The following SLC14A2 variants were observed in gnomAD, a reference collection of about 807,000 sequenced individuals.
SLC14A2 encodes solute carrier family 14 member 2.
In SLC14A2, 91 loss-of-function variants were observed where a neutral mutation model predicts 104.6. The observed-to-expected ratio is 0.87, with a 90% confidence interval of 0.73 to 1.04. The LOEUF (loss-of-function observed/expected upper bound fraction) is 1.04. Among genes scored for constraint, SLC14A2 ranks in the 50% least tolerant of loss-of-function variants. The pLI is 0.00. For missense variants in SLC14A2, 1,189 were observed against 1,156.0 expected (o/e 1.03, Z -0.41); for synonymous variants, 476 against 466.4 (o/e 1.02, Z -0.27).
intron 13 of SLC14A2, 111 bp downstream of exon 13, chr18:45,667,205 T>C: frequency 2.6e-6 from 2 of 766,900 alleles, no homozygotes; most frequent in South Asian, 4.0e-5. Context: ...TAGACTAGAC[T>C]GCACTCTGTT....
rs1233268634 is a variant in SLC14A2 at position 45,426,145 on chromosome 18, T to C, written c.-124-57088T>C. ...ACGGCATCGATGGCCACCCCTCTTA[T>C]CTAGCAGTCAAGACCCAACTTGAGT... On this transcript the variant is annotated intron_variant, in intron 1 of 20. Coordinates refer to the SLC14A2 transcript ENST00000586448. Among the ~76,000 whole-genome samples, 3 of 152,160 alleles carry C rather than the reference T, an allele frequency of 2.0e-5. No homozygotes were observed. In the East Asian group the frequency reaches 5.8e-4, roughly 29 times the overall value.
rs971026212 is a variant in SLC14A2, at chr18:45,641,265, T to C, written c.1048T>C (p.Cys350Arg). ...CTACACAGGCCTCTGGAGCTACAAC[T>C]GCGTCCTCTCCTGCATCGCCATCGG... ...TIYTGLWSYNCVLSCIAIGGM... is the reference protein window; with the variant it reads ...TIYTGLWSYNRVLSCIAIGGM... The change falls in exon 8 of 20, where the codon TGC becomes CGC. Residue 350 changes from cysteine (C) to arginine (R), a missense_variant. Cys to Arg is a radical substitution (Grantham distance 180, BLOSUM62 -3). Coordinates refer to ENST00000255226, the MANE Select transcript of SLC14A2 (RefSeq NM_007163.4). 8.7e-6 allele frequency: 14 copies of C among 1,614,160 alleles called. No individual in the cohort carries two copies. Among genetic ancestry groups the C allele is most frequent in the Admixed American group, 1.7e-5 (1 of 60,016 alleles).
intron 1 of SLC14A2, among the ~76,000 whole-genome samples, chr18:45,219,668 T>C (rs2084043120): frequency 6.6e-6 from 1 of 152,364 alleles, no homozygotes; most frequent in African/African-American, 2.4e-5. Context: ...ACAAAGGACT[T>C]TTCATAACTT....
At chr18:45,294,862 T>C (rs1163473425) in intron 1 of SLC14A2, among the ~76,000 whole-genome samples, 1 of 152,250 alleles carries the variant, frequency 6.6e-6, no homozygotes, top group Non-Finnish European at 1.5e-5. Context: ...GCAGTATCTG[T>C]GAAATGCAGT....
intron 1 of SLC14A2, among the ~76,000 whole-genome samples, chr18:45,409,683 T>A (rs2086193865): frequency 6.6e-6 from 1 of 152,106 alleles, no homozygotes; most frequent in Admixed American, 6.6e-5. Context: ...GGTCCTTAGA[T>A]GAAAATGAAG....
chr18:45,207,314 A>T, the SLC14A2 span, among the ~76,000 whole-genome samples: 3 of 148,990 alleles, frequency 2.0e-5, no homozygotes, highest in Admixed American at 2.0e-4. Flanking sequence ...AGAAGGAAGG[A>T]AGGGAAAAAG....
chr18:45,505,575 T>A (rs1327162106), intron 2 of SLC14A2, among the ~76,000 whole-genome samples: 1 of 152,136 alleles, frequency 6.6e-6, no homozygotes, highest in Non-Finnish European at 1.5e-5. Context: ...AAACAGCCAA[T>A]GTGCTAATTG....
intron 2 of SLC14A2, among the ~76,000 whole-genome samples, chr18:45,572,437 T>C (rs1414361143): frequency 6.6e-6 from 1 of 152,192 alleles, no homozygotes; most frequent in African/African-American, 2.4e-5. Flanking sequence ...CCCAACATCT[T>C]TTCCAAGTTA....
intron 1 of SLC14A2, among the ~76,000 whole-genome samples, chr18:45,621,239 C>G (rs996438343): frequency 6.6e-6 from 1 of 152,150 alleles, no homozygotes; most frequent in African/African-American, 2.4e-5. Context: ...TCCAGCATGC[C>G]CCCTCTATGG....
intron 1 of SLC14A2, among the ~76,000 whole-genome samples, chr18:45,454,119 T>A (rs1422435373): frequency 2.0e-5 from 3 of 152,054 alleles, no homozygotes; most frequent in Non-Finnish European, 4.4e-5. Context: ...CGGCCTCCCA[T>A]AGTGCTGGGA....
At chr18:45,653,849 G>A (rs559688212) in intron 10 of SLC14A2, among the ~76,000 whole-genome samples, 6 of 152,360 alleles carry the variant, frequency 3.9e-5, no homozygotes, top group African/African-American at 1.4e-4. Context: ...CCCAGCCTGT[G>A]CCCTGCCCCT....
chr18:45,363,120 G>A (rs1013651654), intron 1 of SLC14A2, among the ~76,000 whole-genome samples: 1 of 152,104 alleles, frequency 6.6e-6, no homozygotes, highest in Non-Finnish European at 1.5e-5. Context: ...CCATTTCACA[G>A]CGATATTGTT....
intron 1 of SLC14A2, among the ~76,000 whole-genome samples, chr18:45,266,986 A>G (rs1568127663): frequency 6.6e-6 from 1 of 152,150 alleles, no homozygotes; most frequent in Non-Finnish European, 1.5e-5. Context: ...TCTGAAGGGA[A>G]ACCAGGCAAA....
intron 1 of SLC14A2, among the ~76,000 whole-genome samples, chr18:45,305,842 A>G (rs900662672): frequency 7.9e-5 from 12 of 152,324 alleles, no homozygotes; most frequent in South Asian, 4.1e-4. Flanking sequence ...ATTTTGGCTC[A>G]TTAATTTCAG....
chr18:45,505,988 T>C (rs968497801), intron 2 of SLC14A2, among the ~76,000 whole-genome samples: 1 of 152,116 alleles, frequency 6.6e-6, no homozygotes, highest in Non-Finnish European at 1.5e-5. Context: ...AGAAGCACCT[T>C]CTTGAAAAAG....
chr18:45,398,803 G>A (rs551737921), intron 1 of SLC14A2, among the ~76,000 whole-genome samples: 81 of 152,266 alleles, frequency 5.3e-4, no homozygotes, highest in African/African-American at 1.8e-3. Flanking sequence ...AAGTAGAATG[G>A]TGGTTGCCAG....
intron 1 of SLC14A2, chr18:45,447,277 A>G (rs1005336772): frequency 6.6e-6 from 1 of 152,172 alleles, no homozygotes; most frequent in African/African-American, 2.4e-5. Context: ...GCCCCAAGCT[A>G]GCATCAAGGA....
intron 1 of SLC14A2, among the ~76,000 whole-genome samples, chr18:45,378,055 G>A (rs751398066): frequency 5.3e-5 from 8 of 151,982 alleles, no homozygotes; most frequent in East Asian, 3.9e-4. Context: ...TTTCCTTCTC[G>A]AACCCAGAAA....
chr18:45,207,922 G>A, the SLC14A2 span, among the ~76,000 whole-genome samples: 1 of 152,138 alleles, frequency 6.6e-6, no homozygotes, highest in African/African-American at 2.4e-5. Context: ...AACCCTATGA[G>A]TTTAAATATT....
Sources: gnomAD v4.1 joint callset for allele counts (sites outside exome capture counted in the v4.1 genomes callset) on GRCh38, gnomAD v4.1.1 for gene constraint, MANE v1.5 for transcripts, NCBI Gene and HGNC (gene_info 2026-07-23, HGNC 2026-07-21) for gene names.